Variants in PXDNL observed in about 807,000 individuals in gnomAD.
PXDNL encodes the protein probable oxidoreductase PXDNL.
In PXDNL, 145 loss-of-function variants were observed where a neutral mutation model predicts 150.8. The observed-to-expected ratio is 0.96, with a 90% confidence interval of 0.84 to 1.10. PXDNL has a LOEUF of 1.10. Ranked by LOEUF, PXDNL falls within the 50% of genes least tolerant of loss-of-function variation. The pLI, the probability that PXDNL is intolerant of heterozygous loss-of-function variation, is 0.00. For synonymous variants in PXDNL, 757 were observed against 725.7 expected (o/e 1.04, Z -0.69); for missense variants, 2,087 against 1,873.9 (o/e 1.11, Z -2.10).
At chr8:51,709,346 C>A (rs1164618891) in intron 1 of PXDNL, among the ~76,000 whole-genome samples, 1 of 151,986 alleles carries the variant, frequency 6.6e-6, no homozygotes, top group African/African-American at 2.4e-5. Flanking sequence ...GCTCCGCCTC[C>A]CGGGTTCACG....
At chr8:51,512,964 G>C (rs540101569) in intron 4 of PXDNL, among the ~76,000 whole-genome samples, 2 of 152,336 alleles carry the variant, frequency 1.3e-5, no homozygotes, top group South Asian at 2.1e-4. Context: ...CCTAGGTTCT[G>C]TTCCAATTAT....
At chr8:51,708,709 C>T (rs909790641) in intron 1 of PXDNL, among the ~76,000 whole-genome samples, 1 of 152,166 alleles carries the variant, frequency 6.6e-6, no homozygotes, top group Admixed American at 6.5e-5. Flanking sequence ...TGCTCAAAAA[C>T]ATGATAGACC....
Position 51,472,319 on chromosome 8 carries a change from T to C in PXDNL, c.695-15A>G. 3 of 1,588,468 alleles carry C rather than the reference T, an allele frequency of 1.9e-6. No homozygotes were observed. The highest frequency in any genetic ancestry group is 2.6e-6 in the Non-Finnish European group (3 of 1,158,020). On this transcript the variant is annotated splice_polypyrimidine_tract_variant and intron_variant, in intron 7 of 22. Coordinates refer to ENST00000356297, the MANE Select transcript of PXDNL (RefSeq NM_144651.5). The stretch of plus-strand genomic sequence containing the variant: ...TCGGGGGCTCTCTGCAACAAAAGAA[T>C]TATTGATGTATTTTTCAGAGATACA...
chr8:51,420,826 C>T (rs961325790), intron 14 of PXDNL, among the ~76,000 whole-genome samples: 1 of 152,054 alleles, frequency 6.6e-6, no homozygotes, highest in African/African-American at 2.4e-5. Flanking sequence ...GTAGCTGGGA[C>T]TACAGGTAAG....
At chr8:51,452,536 G>T (rs1289531760) in intron 10 of PXDNL, among the ~76,000 whole-genome samples, 1 of 152,202 alleles carries the variant, frequency 6.6e-6, no homozygotes, top group African/African-American at 2.4e-5. Context: ...AGACTAGGCT[G>T]GAGGAAGCCT....
intron 9 of PXDNL, among the ~76,000 whole-genome samples, chr8:51,455,933 G>A (rs771710480): frequency 6.6e-6 from 1 of 152,114 alleles, no homozygotes; most frequent in Non-Finnish European, 1.5e-5. Context: ...AACTATGTGA[G>A]GAATTATCAT....
intron 3 of PXDNL, among the ~76,000 whole-genome samples, chr8:51,574,115 A>T (rs564511243): frequency 2.6e-5 from 4 of 152,038 alleles, no homozygotes; most frequent in Non-Finnish European, 1.5e-5. Flanking sequence ...AGGATTATAT[A>T]ATAGAGATTT....
chr8:51,641,969 A>C (rs1203965104), intron 2 of PXDNL, among the ~76,000 whole-genome samples: 2 of 152,190 alleles, frequency 1.3e-5, no homozygotes. Flanking sequence ...ATGTCCAACA[A>C]TGATAGACTG....
Position 51,392,296 on chromosome 8 carries a change from G to A in PXDNL, c.3557+15771C>T, listed in dbSNP as rs189756974. Among the ~76,000 whole-genome samples, 19 of 152,290 alleles carry A rather than the reference G, an allele frequency of 1.2e-4. No homozygotes were observed. In the East Asian group the frequency reaches 3.5e-3, roughly 28 times the overall value. On this transcript the variant is annotated intron_variant, in intron 17 of 22. Coordinates refer to ENST00000356297, the MANE Select transcript of PXDNL (RefSeq NM_144651.5). ...TGAAGAAAGTCATTGGTAGCTTGAT[G>A]GGGATGGCGTTGAATCTATAAATTA...
At chr8:51,533,662 T>G (rs940089710) in intron 4 of PXDNL, among the ~76,000 whole-genome samples, 25 of 150,836 alleles carry the variant, frequency 1.7e-4, no homozygotes, top group African/African-American at 5.9e-4. Flanking sequence ...TTTCGTTTTT[T>G]TTTTGGTGGA....
intron 1 of PXDNL, among the ~76,000 whole-genome samples, chr8:51,657,829 A>T (rs1815183096): frequency 6.6e-6 from 1 of 152,196 alleles, no homozygotes. Context: ...CCAAGGTGCT[A>T]TATGTATCTA....
At chr8:51,506,731 T>G (rs1811302672) in intron 4 of PXDNL, among the ~76,000 whole-genome samples, 1 of 152,044 alleles carries the variant, frequency 6.6e-6, no homozygotes, top group African/African-American at 2.4e-5. Flanking sequence ...CAATCTACAC[T>G]ATGTTGAATT....
intron 1 of PXDNL, among the ~76,000 whole-genome samples, chr8:51,668,399 C>A (rs1185359497): frequency 6.6e-6 from 1 of 151,742 alleles, no homozygotes; most frequent in Non-Finnish European, 1.5e-5. Context: ...GGTCTCGAAC[C>A]CCTGACCTCA....
intron 1 of PXDNL, among the ~76,000 whole-genome samples, chr8:51,683,823 TC>T (rs1173425358): frequency 2.6e-5 from 4 of 152,096 alleles, no homozygotes; most frequent in Non-Finnish European, 5.9e-5. Context: ...GGCAAACAGC[TC>T]CAGTGTAGCA....
chr8:51,808,921 G>A (rs180980759), intron 1 of PXDNL, among the ~76,000 whole-genome samples: 1 of 152,268 alleles, frequency 6.6e-6, no homozygotes, highest in East Asian at 1.9e-4. Context: ...GAATGAAGAC[G>A]AGAATTCTCA....
intron 1 of PXDNL, among the ~76,000 whole-genome samples, chr8:51,759,573 A>G (rs2037139553): frequency 6.6e-6 from 1 of 152,230 alleles, no homozygotes; most frequent in Admixed American, 6.5e-5. Context: ...AGAGCAGAGA[A>G]TCCTCCTCAG....
At chr8:51,745,183 A>G (rs1214167071) in intron 1 of PXDNL, among the ~76,000 whole-genome samples, 1 of 152,160 alleles carries the variant, frequency 6.6e-6, no homozygotes, top group African/African-American at 2.4e-5. Context: ...CCAAGTGCCT[A>G]TAAGATAACT....
chr8:51,382,511 A>G (rs2130814685), intron 17 of PXDNL, among the ~76,000 whole-genome samples: 1 of 152,310 alleles, frequency 6.6e-6, no homozygotes, highest in East Asian at 1.9e-4. Flanking sequence ...CAAAAATGAG[A>G]CTATTGTCCT....
At chr8:51,324,412 T>C (rs80187473) in intron 21 of PXDNL, among the ~76,000 whole-genome samples, 14,464 of 152,216 alleles carry the variant, frequency 0.095, 918 homozygotes, top group East Asian at 0.26. Flanking sequence ...AGCATGTAAA[T>C]GGCAGGGTAA....
Sources: gnomAD v4.1 joint callset for allele counts (sites outside exome capture counted in the v4.1 genomes callset) on GRCh38, gnomAD v4.1.1 for gene constraint, MANE v1.5 for transcripts, NCBI Gene and HGNC (gene_info 2026-07-23, HGNC 2026-07-21) for gene names.